The following SLC4A10 variants were observed in gnomAD, a reference collection of about 807,000 sequenced individuals.
The protein encoded by SLC4A10 is solute carrier family 4 member 10.
In SLC4A10, 42 loss-of-function variants were observed where a neutral mutation model predicts 137.7. The ratio of observed to expected loss-of-function variants is 0.30; its 90% CI spans 0.24 to 0.39. The LOEUF (loss-of-function observed/expected upper bound fraction) is 0.39. Ranked by LOEUF, SLC4A10 falls within the 10% of genes least tolerant of loss-of-function variation. SLC4A10 has a pLI of 1.00. For synonymous variants in SLC4A10, 474 were observed against 464.1 expected, an observed-to-expected ratio of 1.02 and a Z score of -0.27; for missense variants, 925 against 1,355.0, an observed-to-expected ratio of 0.68 and a Z score of 4.98.
rs1307785243 is a variant in SLC4A10, at chr2:161,984,620, C to A, written c.*1468C>A. 1 of 152,110 alleles carries A rather than the reference C, an allele frequency of 6.6e-6. No individual in the cohort carries two copies. The highest frequency in any genetic ancestry group is 1.9e-4 in the East Asian group (1 of 5,198). 9.4% of individuals were successfully genotyped at this position (152,110 alleles called of 1,614,324 possible). On this transcript the variant is annotated 3_prime_UTR_variant, in exon 27 of 27. Transcript: ENST00000446997. Reference sequence around the variant, plus strand: ...ATGGGAGGAAATAAATCAACAAAGTCTCCATTAAGTTCTACATTTTGAGAC... The same window carrying A: ...ATGGGAGGAAATAAATCAACAAAGTATCCATTAAGTTCTACATTTTGAGAC...
At chr2:161,780,732 G>T (rs2052909919) in intron 2 of SLC4A10, among the ~76,000 whole-genome samples, 1 of 151,662 alleles carries the variant, frequency 6.6e-6, no homozygotes, top group Non-Finnish European at 1.5e-5. Context: ...TTACTTTATT[G>T]CATGTAAAGT....
chr2:161,749,396 T>G (rs998459844), intron 1 of SLC4A10, among the ~76,000 whole-genome samples: 3 of 152,032 alleles, frequency 2.0e-5, no homozygotes, highest in African/African-American at 7.2e-5. Context: ...ATTATGATGT[T>G]AATTGTGGAC....
intron 3 of SLC4A10, among the ~76,000 whole-genome samples, chr2:161,828,252 A>G (rs2058159064): frequency 6.6e-6 from 1 of 152,142 alleles, no homozygotes; most frequent in Non-Finnish European, 1.5e-5. Flanking sequence ...ATTGTATTTT[A>G]TTAACTTCTT....
At chr2:161,816,559 A>C (rs1416378223) in intron 3 of SLC4A10, among the ~76,000 whole-genome samples, 1 of 151,992 alleles carries the variant, frequency 6.6e-6, no homozygotes, top group Non-Finnish European at 1.5e-5. Context: ...TACATGTGCC[A>C]TGGTGGTGTG....
At chr2:161,718,692 G>T (rs1212742857) in intron 1 of SLC4A10, among the ~76,000 whole-genome samples, 1 of 152,152 alleles carries the variant, frequency 6.6e-6, no homozygotes, top group Non-Finnish European at 1.5e-5. Flanking sequence ...TTTTGCATTT[G>T]CTGAAGAGTG....
At chr2:161,915,229 G>A (rs1044683994) in intron 15 of SLC4A10, among the ~76,000 whole-genome samples, 5 of 152,068 alleles carry the variant, frequency 3.3e-5, no homozygotes, top group Non-Finnish European at 7.4e-5. Flanking sequence ...CTTGACTTCA[G>A]GGGAGAGCAA....
intron 22 of SLC4A10, among the ~76,000 whole-genome samples, chr2:161,964,712 TATAG>T (rs1443169181): frequency 6.6e-6 from 1 of 152,146 alleles, no homozygotes; most frequent in African/African-American, 2.4e-5. Flanking sequence ...TAATTATTAG[TATAG>T]ATAAGAATGT....
chr2:161,689,040 G>C (rs1376879634), intron 1 of SLC4A10, among the ~76,000 whole-genome samples: 2 of 152,000 alleles, frequency 1.3e-5, no homozygotes, highest in East Asian at 3.8e-4. Context: ...TATAGGATAA[G>C]TATATAAAGA....
intron 15 of SLC4A10, among the ~76,000 whole-genome samples, chr2:161,941,827 A>T (rs1394504862): frequency 6.6e-6 from 1 of 152,136 alleles, no homozygotes; most frequent in Non-Finnish European, 1.5e-5. Flanking sequence ...CTACTGTTCC[A>T]TCATAGACAG....
chr2:161,758,153 TTA>T (rs1351086148), intron 1 of SLC4A10, among the ~76,000 whole-genome samples: 2 of 151,928 alleles, frequency 1.3e-5, no homozygotes, highest in African/African-American at 4.8e-5. Flanking sequence ...TGTAGTGTCA[TTA>T]TTTTAGTAAA....
At chr2:161,779,774 G>A (rs2052800392) in intron 2 of SLC4A10, among the ~76,000 whole-genome samples, 1 of 151,864 alleles carries the variant, frequency 6.6e-6, no homozygotes, top group South Asian at 2.1e-4. Context: ...TTATTTGCAT[G>A]GCCTTTGAGC....
intron 1 of SLC4A10, among the ~76,000 whole-genome samples, chr2:161,758,732 T>C (rs1030424960): frequency 6.6e-6 from 1 of 151,958 alleles, no homozygotes; most frequent in African/African-American, 2.4e-5. Flanking sequence ...AACTTGCTAA[T>C]TGCATTTAAA....
chr2:161,927,351 CAGCTCCTGT>C (rs1336099146), intron 15 of SLC4A10, among the ~76,000 whole-genome samples: 1 of 152,150 alleles, frequency 6.6e-6, no homozygotes, highest in South Asian at 2.1e-4. Context: ...TTGATCACAT[CAGCTCCTGT>C]GGCTTCTGCA....
At position 161,804,508 on chromosome 2, in the gene SLC4A10, C is replaced by A; in HGVS notation, c.190C>A (p.Arg64Ser). 1 of 1,613,042 alleles carries A rather than the reference C, an allele frequency of 6.2e-7. No individual in the cohort carries two copies. Among genetic ancestry groups the A allele is most frequent in the Non-Finnish European group, 8.5e-7 (1 of 1,179,402 alleles). The change falls in exon 3 of 27, where the codon CGT (arginine) becomes AGT (serine). Residue 64 changes from arginine to serine, a missense_variant. Arg to Ser is a moderately radical substitution (Grantham distance 110). Coordinates refer to ENST00000446997, the MANE Select transcript of SLC4A10 (RefSeq NM_001178015.2). The part of the protein sequence containing the change: ...VPLGGRKSHR[R>S]HRHRGHKHRK... ...CTTGGGAGGAAGAAAAAGCCATCGA[C>A]GTCACAGGCATCGTGGTCATAAACA...
intron 1 of SLC4A10, among the ~76,000 whole-genome samples, chr2:161,640,198 G>A (rs1269866197): frequency 6.6e-6 from 1 of 152,018 alleles, no homozygotes; most frequent in African/African-American, 2.4e-5. Context: ...CAGATTGATT[G>A]TTTCATCTGT....
intron 26 of SLC4A10, among the ~76,000 whole-genome samples, chr2:161,980,465 A>G (rs1700064155): frequency 6.6e-6 from 1 of 152,182 alleles, no homozygotes; most frequent in South Asian, 2.1e-4. Context: ...CCTGGCCAAC[A>G]TGGTGAAACC....
chr2:161,632,622 C>T (rs961121080), intron 1 of SLC4A10, among the ~76,000 whole-genome samples: 2 of 151,210 alleles, frequency 1.3e-5, no homozygotes, highest in African/African-American at 2.4e-5. Flanking sequence ...TCCTAAACAA[C>T]GGGATTATTG....
intron 5 of SLC4A10, among the ~76,000 whole-genome samples, chr2:161,856,106 A>G (rs531306764): frequency 7.0e-4 from 107 of 152,124 alleles, no homozygotes; most frequent in African/African-American, 2.5e-3. Context: ...TAAAATTGTC[A>G]TGGCCTAGAT....
At chr2:161,875,746 A>T (rs1271645136) in intron 8 of SLC4A10, among the ~76,000 whole-genome samples, 1 of 152,218 alleles carries the variant, frequency 6.6e-6, no homozygotes, top group East Asian at 1.9e-4. Flanking sequence ...GAAACATATT[A>T]GAGAGAGTTG....
Sources: gnomAD v4.1 joint callset for allele counts (sites outside exome capture counted in the v4.1 genomes callset) on GRCh38, gnomAD v4.1.1 for gene constraint, MANE v1.5 for transcripts, NCBI Gene and HGNC (gene_info 2026-07-23, HGNC 2026-07-21) for gene names.